RPAP3: variants seen among roughly 807,000 people sequenced by gnomAD.
RPAP3 encodes the protein RNA polymerase II associated protein 3.
In RPAP3, 58 loss-of-function variants were observed where a neutral mutation model predicts 88.8. The ratio of observed to expected loss-of-function variants is 0.65; its 90% CI spans 0.53 to 0.81. RPAP3 has a LOEUF of 0.81. RPAP3 is among the 40% of genes least tolerant of loss of function. RPAP3 has a pLI of 0.00. For synonymous variants in RPAP3, 255 were observed against 259.9 expected, an observed-to-expected ratio of 0.98 and a Z score of 0.18; for missense variants, 751 against 764.3, an observed-to-expected ratio of 0.98 and a Z score of 0.20.
intron 12 of RPAP3, 90 bp downstream of exon 12, chr12:47,679,403 A>T: frequency 1.3e-6 from 1 of 795,062 alleles, no homozygotes; most frequent in Non-Finnish European, 2.0e-6. Context: ...TAATTAAAAA[A>T]AAAAAGTTTA....
chr12:47,671,191 A>G (rs878875766), intron 12 of RPAP3, among the ~76,000 whole-genome samples: 1 of 152,200 alleles, frequency 6.6e-6, no homozygotes, highest in African/African-American at 2.4e-5. Flanking sequence ...TCACTATATC[A>G]TCATACCAAA....
rs750119778 is a variant in RPAP3 at position 47,702,723 on chromosome 12, T to C, written c.118A>G (p.Met40Val). The change falls in exon 2 of 17, where the codon ATG becomes GTG. Residue 40 changes from methionine to valine, a missense_variant. Physicochemically the swap from Met to Val is conservative, Grantham distance 21. Transcript: ENST00000005386. ...NWEKDIKQKD[M>V]ELRRQNGVPE... ...ACACCATTCTGTCTTCTTAGTTCCA[T>C]ATCCTTTTGTTTAATGTCTTTTTCC... 3.1e-6 allele frequency: 5 copies of C among 1,611,836 alleles called. No homozygotes were observed. The highest frequency in any genetic ancestry group is 2.2e-5 in the South Asian group (2 of 90,612).
At position 47,687,900 on chromosome 12, in the gene RPAP3, C is replaced by T. The variant is rs528621459; in HGVS notation, c.840G>A (p.Gln280=). 2.5e-6 allele frequency: 4 copies of T among 1,613,000 alleles called. No homozygotes were observed. Among genetic ancestry groups the T allele is most frequent in the Non-Finnish European group, 3.4e-6 (4 of 1,179,450 alleles). The change falls in exon 8 of 17, where the codon CAG becomes CAA. Residue 280 remains glutamine (Q), a synonymous_variant. Coordinates refer to ENST00000005386, the MANE Select transcript of RPAP3 (RefSeq NM_024604.3). Reference sequence around the variant, plus strand: ...CCCGATCTTTCTCTGAAATGGCCTGCTGCTTATTCTGTTGTGCTTCAATTT... The same window carrying T: ...CCCGATCTTTCTCTGAAATGGCCTGTTGCTTATTCTGTTGTGCTTCAATTT... ...RKQIEAQQNK[Q]QAISEKDRGN... is the part of the protein sequence containing the mutation.
At chr12:47,704,994 G>T (rs1441860282) in intron 1 of RPAP3, among the ~76,000 whole-genome samples, 1 of 151,980 alleles carries the variant, frequency 6.6e-6, no homozygotes, top group African/African-American at 2.4e-5. Context: ...AAAAAAAAAG[G>T]AGGGGGGGGA....
intron 1 of RPAP3, among the ~76,000 whole-genome samples, chr12:47,705,684 C>T (rs1279066469): frequency 6.6e-6 from 1 of 151,330 alleles, no homozygotes; most frequent in Non-Finnish European, 1.5e-5. Context: ...TCTGCCTTCC[C>T]GAGCACTGCA....
chr12:47,680,149 T>C (rs1247522365), intron 10 of RPAP3, among the ~76,000 whole-genome samples: 1 of 152,190 alleles, frequency 6.6e-6, no homozygotes, highest in Admixed American at 6.5e-5. Context: ...AGGAATGAAA[T>C]TCTGATATAT....
chr12:47,696,681 T>G (rs187543073), intron 4 of RPAP3, among the ~76,000 whole-genome samples: 1 of 152,232 alleles, frequency 6.6e-6, no homozygotes, highest in Admixed American at 6.5e-5. Context: ...TTCTACACAG[T>G]GAAATATATT....
At chr12:47,677,310 G>C (rs905472433) in intron 12 of RPAP3, among the ~76,000 whole-genome samples, 54 of 152,248 alleles carry the variant, frequency 3.5e-4, no homozygotes, top group African/African-American at 1.3e-3. Context: ...AAAACTGGAA[G>C]CATTCCCTTT....
chr12:47,663,530 T>C lies in RPAP3; in HGVS notation c.1973A>G (p.Glu658Gly), dbSNP rs1565711081. 5 of 1,593,398 alleles carry C rather than the reference T, an allele frequency of 3.1e-6. No individual in the cohort carries two copies. Among genetic ancestry groups the C allele is most frequent in the Non-Finnish European group, 4.3e-6 (5 of 1,170,850 alleles). ...TCAACCACCGTATCTTTTCTTGAGT[T>C]CTTCGACAGAACTATCCTTCAATCC... ...KSGLKDSSVE[E>G]LKKRYGG Residue 658 changes from glutamate to glycine, a missense_variant, in exon 17 of 17, where the codon GAA becomes GGA. Coordinates refer to ENST00000005386, the MANE Select transcript of RPAP3 (RefSeq NM_024604.3).
At position 47,690,757 on chromosome 12, in the gene RPAP3, T is replaced by C. The variant is rs371098099; in HGVS notation, c.546-118A>G. ...GAATTTACTTACCCACTGAAGGCAT[T>C]TTTCCCACCTGCTTTCAGTTAATTA... On this transcript the variant is annotated intron_variant, in intron 5 of 16. Transcript: ENST00000005386. 8 of 593,020 alleles carry C rather than the reference T, an allele frequency of 1.3e-5. 1 individual carries two copies. In the South Asian group the frequency reaches 2.9e-4, roughly 22 times the overall value. The allele number at this position is 593,020 out of a possible 1,614,324, so 36.7% of individuals were successfully genotyped here.
intron 12 of RPAP3, among the ~76,000 whole-genome samples, chr12:47,678,642 G>GA (rs1483909493): frequency 2.0e-5 from 3 of 152,168 alleles, no homozygotes; most frequent in East Asian, 1.9e-4. Context: ...ACAGACACAT[G>GA]AAAAAATGCT....
At position 47,661,989 on chromosome 12, in the gene RPAP3, C is replaced by T. The variant is rs528852835; in HGVS notation, c.*1516G>A. ...CTTACAGTTCTGGAGGATGGGGAGT[C>T]CAAGATGAAGATGCCAGTAGATTCT... On this transcript the variant is annotated 3_prime_UTR_variant, in exon 17 of 17. Transcript: ENST00000005386. 4 of 152,242 alleles carry T rather than the reference C, an allele frequency of 2.6e-5. No individual in the cohort carries two copies. The East Asian group carries it at 7.7e-4, about 29-fold the overall frequency. The allele number at this position is 152,242 out of a possible 1,614,324, so 9.4% of individuals were successfully genotyped here. A position where few individuals can be genotyped will look rare whatever the true frequency, so the allele number is the denominator to read the frequency against.
Position 47,701,478 on chromosome 12 carries a change from C to T in RPAP3, c.280G>A (p.Ala94Thr). The T allele has an allele frequency of 6.4e-7, 1 of 1,572,856 alleles. No homozygotes were observed. The highest frequency in any genetic ancestry group is 1.4e-5 in the African/African-American group (1 of 72,818). ...GATTAACTTACCACATCAAGTTTTG[C>T]CCATGCCTCATAATCATAAGATTTT... ...RIKSYDYEAW[A>T]KLDVDRILDE... Residue 94 changes from alanine to threonine, a missense_variant, in exon 3 of 17, where the codon GCA (alanine) becomes ACA (threonine). By Grantham distance (58) the Ala-to-Thr change is moderately conservative (BLOSUM62 0). Transcript: ENST00000005386.
At chr12:47,687,817 G>A in intron 8 of RPAP3, 59 bp downstream of exon 8, 1 of 1,534,720 alleles carries the variant, frequency 6.5e-7, no homozygotes, top group Non-Finnish European at 8.8e-7. Flanking sequence ...TGATATACAA[G>A]AAATAAATCA....
intron 4 of RPAP3, 24 bp from the exon 5 acceptor site, chr12:47,696,427 A>T: frequency 2.0e-6 from 3 of 1,518,764 alleles, no homozygotes; most frequent in Non-Finnish European, 2.7e-6. Flanking sequence ...ATATAAAATG[A>T]TCTTTTTTAC....
Position 47,667,770 on chromosome 12 carries a change from G to T in RPAP3, c.1795C>A (p.His599Asn). Reference sequence around the variant, plus strand: ...TTGACTTACTCAATGTAAAAGTCATGCAGAATTTTAACGATCTGGTTGAAT... The same window carrying T: ...TTGACTTACTCAATGTAAAAGTCATTCAGAATTTTAACGATCTGGTTGAAT... ...DVFNQIVKILHDFYIEKEKPL... is the reference protein window; with the variant it reads ...DVFNQIVKILNDFYIEKEKPL... Residue 599 changes from histidine to asparagine, a missense_variant, in exon 15 of 17, where the codon CAT becomes AAT. Coordinates refer to ENST00000005386, the MANE Select transcript of RPAP3 (RefSeq NM_024604.3). 1 of 1,597,250 alleles carries T rather than the reference G, an allele frequency of 6.3e-7. No individual in the cohort carries two copies. Among genetic ancestry groups the T allele is most frequent in the Non-Finnish European group, 8.6e-7 (1 of 1,168,346 alleles).
At chr12:47,667,504 A>G (rs1174834107) in intron 15 of RPAP3, among the ~76,000 whole-genome samples, 3 of 152,208 alleles carry the variant, frequency 2.0e-5, no homozygotes, top group Non-Finnish European at 4.4e-5. Flanking sequence ...TTCCCAAATC[A>G]TTGGAAATAG....
At position 47,667,745 on chromosome 12, in the gene RPAP3, T is replaced by C. The variant is rs757537230; in HGVS notation, c.1811+9A>G. ...GACTTACTGTATAACTAAAAAAAAC[T>C]TGACTTACTCAATGTAAAAGTCATG... On this transcript the variant is annotated intron_variant, in intron 15 of 16. Transcript: ENST00000005386. 2 of 1,539,250 alleles carry C rather than the reference T, an allele frequency of 1.3e-6. No homozygotes were observed. The highest frequency in any genetic ancestry group is 1.8e-5 in the Admixed American group (1 of 55,016).
intron 16 of RPAP3, chr12:47,664,456 G>A (rs545050551): frequency 2.0e-5 from 3 of 151,940 alleles, no homozygotes; most frequent in East Asian, 1.9e-4. Context: ...ACCACTGATC[G>A]GTCGACACTC....
Sources: gnomAD v4.1 joint callset for allele counts (sites outside exome capture counted in the v4.1 genomes callset) on GRCh38, gnomAD v4.1.1 for gene constraint, MANE v1.5 for transcripts, NCBI Gene and HGNC (gene_info 2026-07-23, HGNC 2026-07-21) for gene names.